Variants in CDH13 observed in about 807,000 individuals in gnomAD.
CDH13 encodes cadherin 13, also known as cadherin-13.
A neutral mutation model predicts 63.8 loss-of-function variants in CDH13; 24 were observed. The ratio of observed to expected loss-of-function variants is 0.38; its 90% CI spans 0.27 to 0.53. CDH13 has a LOEUF of 0.53. Ranked by LOEUF, CDH13 falls within the 20% of genes least tolerant of loss-of-function variation. The pLI is 0.85. For synonymous variants in CDH13, 503 were observed against 355.3 expected (o/e 1.42, Z -4.67); for missense variants, 1,049 against 903.1 (o/e 1.16, Z -2.07).
At chr16:82,628,549 C>T (rs907331415) in intron 1 of CDH13, among the ~76,000 whole-genome samples, 2 of 152,088 alleles carry the variant, frequency 1.3e-5, no homozygotes, top group Non-Finnish European at 2.9e-5. Context: ...TTCAAGTGCC[C>T]GGCTGCTGAG....
chr16:83,390,127 T>A (rs1450513624), intron 6 of CDH13, among the ~76,000 whole-genome samples: 1 of 152,172 alleles, frequency 6.6e-6, no homozygotes, highest in African/African-American at 2.4e-5. Context: ...ACAAGAAACA[T>A]GGAGCACCCC....
chr16:82,905,777 T>G (rs2041625587), intron 2 of CDH13, among the ~76,000 whole-genome samples: 1 of 152,156 alleles, frequency 6.6e-6, no homozygotes. Flanking sequence ...TGTACTAAGT[T>G]GTTAGAATCC....
chr16:82,747,048 A>G (rs2034207406), intron 1 of CDH13, among the ~76,000 whole-genome samples: 1 of 152,248 alleles, frequency 6.6e-6, no homozygotes, highest in African/African-American at 2.4e-5. Flanking sequence ...GCATTTTCTA[A>G]GACAATGTGA....
chr16:83,064,368 A>T (rs1340108465), intron 3 of CDH13, among the ~76,000 whole-genome samples: 6 of 152,002 alleles, frequency 3.9e-5, no homozygotes, highest in Non-Finnish European at 8.8e-5. Flanking sequence ...GACTGTCTCA[A>T]AAAAAAGAAA....
At chr16:83,102,341 C>T (rs1290794352) in intron 3 of CDH13, among the ~76,000 whole-genome samples, 2 of 152,180 alleles carry the variant, frequency 1.3e-5, no homozygotes, top group African/African-American at 4.8e-5. Flanking sequence ...GAAACTAATA[C>T]AGCAATTCTG....
chr16:82,883,503 C>G (rs2040777579), intron 2 of CDH13, among the ~76,000 whole-genome samples: 1 of 152,212 alleles, frequency 6.6e-6, no homozygotes, highest in South Asian at 2.1e-4. Context: ...CATCGACTAT[C>G]TCAGCTGATT....
chr16:82,650,954 G>C (rs561335077), intron 1 of CDH13, among the ~76,000 whole-genome samples: 1 of 152,206 alleles, frequency 6.6e-6, no homozygotes, highest in Non-Finnish European at 1.5e-5. Context: ...TGCTGGGCTA[G>C]AATGGGTTTT....
intron 1 of CDH13, among the ~76,000 whole-genome samples, chr16:82,715,063 G>A (rs1194194634): frequency 6.8e-6 from 1 of 147,858 alleles, no homozygotes; most frequent in Non-Finnish European, 1.5e-5. Context: ...TCACCAAGAG[G>A]CCTGGCTTGG....
intron 2 of CDH13, among the ~76,000 whole-genome samples, chr16:82,956,363 A>C (rs1597290578): frequency 6.6e-6 from 1 of 151,050 alleles, no homozygotes; most frequent in East Asian, 1.9e-4. Context: ...TTTAATATCT[A>C]ATTTCTGCTC....
At chr16:83,552,217 A>C (rs1479900315) in intron 7 of CDH13, among the ~76,000 whole-genome samples, 1 of 152,158 alleles carries the variant, frequency 6.6e-6, no homozygotes, top group South Asian at 2.1e-4. Context: ...CTGTGGACCT[A>C]GTTGGGCGTA....
intron 7 of CDH13, among the ~76,000 whole-genome samples, chr16:83,548,734 T>A (rs985122378): frequency 6.6e-6 from 1 of 152,068 alleles, no homozygotes; most frequent in Non-Finnish European, 1.5e-5. Context: ...GCCTTTTTTT[T>A]TCTCTGTTAA....
At chr16:83,687,691 C>T (rs1307654623) in intron 10 of CDH13, among the ~76,000 whole-genome samples, 3 of 152,158 alleles carry the variant, frequency 2.0e-5, no homozygotes, top group African/African-American at 7.2e-5. Context: ...TACATTTGGC[C>T]TTGTTTTAAA....
intron 4 of CDH13, among the ~76,000 whole-genome samples, chr16:83,154,854 G>T (rs532994384): frequency 6.6e-6 from 1 of 152,046 alleles, no homozygotes; most frequent in Non-Finnish European, 1.5e-5. Context: ...TATTTCAACC[G>T]GTTTTTCTGT....
At chr16:83,694,915 T>A (rs1905229564) in intron 10 of CDH13, among the ~76,000 whole-genome samples, 1 of 152,010 alleles carries the variant, frequency 6.6e-6, no homozygotes, top group Non-Finnish European at 1.5e-5. Flanking sequence ...TCAAAACTAA[T>A]GCAAAAATTA....
chr16:82,852,047 G>A (rs1464803316), intron 1 of CDH13, among the ~76,000 whole-genome samples: 2 of 152,190 alleles, frequency 1.3e-5, no homozygotes, highest in African/African-American at 2.4e-5. Context: ...TGGGGTGTTG[G>A]TTTGGAAAAT....
intron 3 of CDH13, among the ~76,000 whole-genome samples, chr16:83,050,779 A>AACGCTCATACTGGGGTTAACTGTGTGT (rs2030235997): frequency 1.3e-5 from 2 of 152,118 alleles, no homozygotes; most frequent in South Asian, 4.1e-4. Flanking sequence ...TAACTGTGTG[A>AACGCTCATACTGGGGTTAACTGTGTGT]GTCTGAACAC....
At chr16:83,360,568 G>A (rs1011910549) in intron 6 of CDH13, among the ~76,000 whole-genome samples, 1 of 152,022 alleles carries the variant, frequency 6.6e-6, no homozygotes, top group African/African-American at 2.4e-5. Flanking sequence ...TGTCACCCAG[G>A]TAGCACCATA....
chr16:82,667,097 G>A (rs967061262), intron 1 of CDH13, among the ~76,000 whole-genome samples: 4 of 152,118 alleles, frequency 2.6e-5, no homozygotes, highest in Non-Finnish European at 5.9e-5. Flanking sequence ...ACTTTGACTT[G>A]TGTCTTCAGA....
intron 1 of CDH13, among the ~76,000 whole-genome samples, chr16:82,838,807 C>A (rs2038880368): frequency 6.6e-6 from 1 of 152,180 alleles, no homozygotes; most frequent in South Asian, 2.1e-4. Flanking sequence ...ACTGGCCTCT[C>A]CAGGCGGTTT....
Sources: gnomAD v4.1 joint callset for allele counts (sites outside exome capture counted in the v4.1 genomes callset) on GRCh38, gnomAD v4.1.1 for gene constraint, MANE v1.5 for transcripts, NCBI Gene and HGNC (gene_info 2026-07-23, HGNC 2026-07-21) for gene names.